NSMCE2: variants seen among roughly 807,000 people sequenced by gnomAD.
NSMCE2 encodes NSE2 SUMO ligase component of SMC5/6 complex, also known as E3 SUMO-protein ligase NSE2.
In NSMCE2, 24 loss-of-function variants were observed where a neutral mutation model predicts 23.8. The ratio of observed to expected loss-of-function variants is 1.01; its 90% CI spans 0.73 to 1.42. The LOEUF is 1.42. Ranked by LOEUF, NSMCE2 falls within the 40% of genes most tolerant of loss-of-function variation. The probability of loss-of-function intolerance (pLI) is 0.00; values close to 1 mark genes in which losing one functional copy is unlikely to be tolerated. For missense variants in NSMCE2, 284 were observed against 296.5 expected (o/e 0.96, Z 0.31); for synonymous variants, 92 against 94.1 (o/e 0.98, Z 0.13).
At chr8:125,278,421 A>G (rs1376711881) in intron 5 of NSMCE2, among the ~76,000 whole-genome samples, 4 of 152,206 alleles carry the variant, frequency 2.6e-5, no homozygotes, top group African/African-American at 9.6e-5. Context: ...CAAGGGCAGT[A>G]TGCTAGTGCA....
chr8:125,312,636 TAAAC>T (rs1170390607), intron 5 of NSMCE2, among the ~76,000 whole-genome samples: 6 of 152,128 alleles, frequency 3.9e-5, no homozygotes, highest in Non-Finnish European at 2.9e-5. Context: ...AATAAGTAAA[TAAAC>T]AAATAAATAA....
chr8:125,159,917 G>A (rs1311078182), intron 4 of NSMCE2, among the ~76,000 whole-genome samples: 2 of 150,832 alleles, frequency 1.3e-5, no homozygotes, highest in Non-Finnish European at 2.9e-5. Context: ...CCATGATGGC[G>A]CCACTGCACT....
intron 5 of NSMCE2, among the ~76,000 whole-genome samples, chr8:125,334,772 CTTTTTTTTTTTTT>C (rs34213706): frequency 2.0e-4 from 11 of 55,870 alleles, no homozygotes; most frequent in East Asian, 6.0e-4. Flanking sequence ...AGTATCTTTT[CTTTTTTTTTTTTT>C]TTTTTTTTTT....
At chr8:125,228,932 C>T (rs965907944) in intron 5 of NSMCE2, among the ~76,000 whole-genome samples, 1 of 152,172 alleles carries the variant, frequency 6.6e-6, no homozygotes, top group African/African-American at 2.4e-5. Flanking sequence ...TTATAAGAGA[C>T]AGAACCAGTC....
chr8:125,155,594 A>G (rs1361192324), intron 4 of NSMCE2, among the ~76,000 whole-genome samples: 2 of 152,216 alleles, frequency 1.3e-5, no homozygotes, highest in Non-Finnish European at 1.5e-5. Flanking sequence ...TTTATTATCA[A>G]TATCCTACTT....
At chr8:125,134,722 CTTTTTTTTTT>C (rs34284298) in intron 3 of NSMCE2, among the ~76,000 whole-genome samples, 4 of 117,730 alleles carry the variant, frequency 3.4e-5, no homozygotes, top group Non-Finnish European at 5.2e-5. Flanking sequence ...TAACGGATTC[CTTTTTTTTTT>C]TTTTTTTTTT....
rs745908694 is a variant in NSMCE2, at chr8:125,151,223, A to G, written c.210A>G (p.Thr70=). The change falls in exon 4 of 8, where the codon ACA becomes ACG. Residue 70 remains threonine, a synonymous_variant. Coordinates refer to ENST00000287437, the MANE Select transcript of NSMCE2 (RefSeq NM_173685.4). The part of the protein sequence containing the change: ...SMDKAMVEFA[T]LDRQLNHYVK... ...ACAAGGCAATGGTTGAATTTGCTAC[A>G]TTGGATCGGCAACTAAACCATTATG... 3.1e-6 allele frequency: 5 copies of G among 1,610,578 alleles called. No homozygotes were observed. Among genetic ancestry groups the G allele is most frequent in the South Asian group, 1.1e-5 (1 of 90,922 alleles).
At chr8:125,107,895 A>T (rs1369928122) in intron 3 of NSMCE2, among the ~76,000 whole-genome samples, 2 of 151,876 alleles carry the variant, frequency 1.3e-5, no homozygotes, top group Admixed American at 6.6e-5. Flanking sequence ...TTAGCCAGGC[A>T]TGGTGGTGCA....
At chr8:125,357,926 T>G in intron 7 of NSMCE2, 108 bp downstream of exon 7, 1 of 739,004 alleles carries the variant, frequency 1.4e-6, no homozygotes, top group Non-Finnish European at 2.4e-6. Context: ...CTAAATTCCG[T>G]TCACCTCCCG....
At chr8:125,262,259 A>C (rs1434896035) in intron 5 of NSMCE2, among the ~76,000 whole-genome samples, 2 of 152,016 alleles carry the variant, frequency 1.3e-5, no homozygotes, top group African/African-American at 4.8e-5. Context: ...CCCCGTCTCT[A>C]CTAAAAATAC....
At chr8:125,290,126 T>C (rs1388025223) in intron 5 of NSMCE2, among the ~76,000 whole-genome samples, 1 of 152,162 alleles carries the variant, frequency 6.6e-6, no homozygotes, top group African/African-American at 2.4e-5. Flanking sequence ...TCCTGAGCAT[T>C]AAAATCCAAC....
intron 5 of NSMCE2, among the ~76,000 whole-genome samples, chr8:125,253,338 C>T (rs1826271563): frequency 6.6e-6 from 1 of 152,182 alleles, no homozygotes; most frequent in Admixed American, 6.5e-5. Context: ...GAATACATAA[C>T]AAAGTACTGA....
chr8:125,233,843 T>C (rs2130954415), intron 5 of NSMCE2, among the ~76,000 whole-genome samples: 1 of 152,102 alleles, frequency 6.6e-6, no homozygotes, highest in African/African-American at 2.4e-5. Context: ...CGCTGTCACT[T>C]TCTACATCTA....
intron 5 of NSMCE2, among the ~76,000 whole-genome samples, chr8:125,192,368 G>A (rs1823392814): frequency 6.8e-6 from 1 of 147,018 alleles, no homozygotes. Flanking sequence ...GTAGAATTTT[G>A]GCATCTTAGT....
chr8:125,360,623 G>T (rs1813496336), intron 7 of NSMCE2, among the ~76,000 whole-genome samples: 1 of 152,134 alleles, frequency 6.6e-6, no homozygotes, highest in Non-Finnish European at 1.5e-5. Flanking sequence ...TTGTGGGCGG[G>T]GTGGGCAGGG....
chr8:125,343,509 C>T (rs536218244), intron 5 of NSMCE2, among the ~76,000 whole-genome samples: 20 of 152,228 alleles, frequency 1.3e-4, no homozygotes, highest in African/African-American at 4.1e-4. Context: ...CGTGTTGGCA[C>T]GCACCTATAG....
intron 3 of NSMCE2, among the ~76,000 whole-genome samples, chr8:125,133,435 A>C (rs1032129056): frequency 1.3e-5 from 2 of 152,120 alleles, no homozygotes. Flanking sequence ...ATTGATTTGA[A>C]GTAATAGTTT....
chr8:125,182,225 T>G lies in NSMCE2; in HGVS notation c.387T>G (p.Phe129Leu). ...DFQNNEKFVQ[F>L]KQQLKELKKQ... ...AAAATAATGAAAAATTTGTACAGTT[T>G]AAACAACAGCTGAAAGAACTAAAGA... The change falls in exon 5 of 8, where the codon TTT becomes TTG. Residue 129 changes from phenylalanine to leucine, a missense_variant. Transcript: ENST00000287437. 6.2e-7 allele frequency: 1 copy of G among 1,607,618 alleles called. No individual in the cohort carries two copies. The highest frequency in any genetic ancestry group is 8.5e-7 in the Non-Finnish European group (1 of 1,177,812).
At chr8:125,249,540 A>G (rs541384369) in intron 5 of NSMCE2, among the ~76,000 whole-genome samples, 1 of 152,360 alleles carries the variant, frequency 6.6e-6, no homozygotes, top group Admixed American at 6.5e-5. Context: ...TATTTACTCC[A>G]AAACAAATGA....
Sources: gnomAD v4.1 joint callset for allele counts (sites outside exome capture counted in the v4.1 genomes callset) on GRCh38, gnomAD v4.1.1 for gene constraint, MANE v1.5 for transcripts, NCBI Gene and HGNC (gene_info 2026-07-23, HGNC 2026-07-21) for gene names.